Variants in MMEL1 observed in about 807,000 individuals in gnomAD.
MMEL1 encodes membrane metalloendopeptidase like 1, also known as membrane metallo-endopeptidase-like 1.
Under a neutral mutation model 117.1 loss-of-function variants are expected in MMEL1, and 98 were observed. That is an observed-to-expected ratio of 0.84 (90% CI 0.71 to 0.99). MMEL1 has a LOEUF of 0.99. Among genes scored for constraint, MMEL1 ranks in the 50% least tolerant of loss-of-function variants. MMEL1 has a pLI of 0.00. For missense variants in MMEL1, 1,014 were observed against 1,049.1 expected, an observed-to-expected ratio of 0.97 and a Z score of 0.46; for synonymous variants, 390 against 415.1, an observed-to-expected ratio of 0.94 and a Z score of 0.74.
At chr1:2,602,097 G>A (rs1644941333) in intron 11 of MMEL1, among the ~76,000 whole-genome samples, 1 of 152,270 alleles carries the variant, frequency 6.6e-6, no homozygotes, top group African/African-American at 2.4e-5. Flanking sequence ...CAGCACAGTG[G>A]GACCCGAGTT....
intron 2 of MMEL1, among the ~76,000 whole-genome samples, chr1:2,622,883 CAAAAAA>C (rs60522932): frequency 8.6e-5 from 9 of 104,080 alleles, no homozygotes; most frequent in Admixed American, 1.9e-4. Context: ...AACTCTGTCT[CAAAAAA>C]AAAAAAAAAA....
At chr1:2,630,689 G>C (rs959888453) in intron 1 of MMEL1, among the ~76,000 whole-genome samples, 3 of 151,248 alleles carry the variant, frequency 2.0e-5, no homozygotes, top group African/African-American at 7.3e-5. Context: ...GTGTGTGCGT[G>C]TACACTCGTG....
chr1:2,609,216 G>T, intron 6 of MMEL1, 123 bp downstream of exon 6: 1 of 916,352 alleles, frequency 1.1e-6, no homozygotes, highest in Non-Finnish European at 1.7e-6. Context: ...TCTGGCATGA[G>T]TCCTAAAGGC....
intron 14 of MMEL1, 27 bp downstream of exon 14, chr1:2,596,534 C>T (rs761464416): frequency 1.6e-5 from 26 of 1,602,272 alleles, no homozygotes; most frequent in East Asian, 4.5e-5. Flanking sequence ...GCTGGCCCCG[C>T]GTGGGCCATG....
At chr1:2,597,771 C>T (rs963835206) in intron 13 of MMEL1, among the ~76,000 whole-genome samples, 5 of 152,288 alleles carry the variant, frequency 3.3e-5, no homozygotes, top group South Asian at 2.1e-4. Context: ...CAATCCAAAC[C>T]GGCTGCTGTG....
intron 1 of MMEL1, among the ~76,000 whole-genome samples, chr1:2,630,809 C>T (rs1322695918): frequency 6.9e-6 from 1 of 144,720 alleles, no homozygotes; most frequent in Non-Finnish European, 1.5e-5. Context: ...TGTGTCCTCT[C>T]GTGTGTGCGT....
At chr1:2,603,537 T>G (rs1644968871) in intron 11 of MMEL1, among the ~76,000 whole-genome samples, 3 of 152,118 alleles carry the variant, frequency 2.0e-5, no homozygotes, top group Non-Finnish European at 4.4e-5. Context: ...TGAGCGGGAC[T>G]TGGGGTCTGA....
At position 2,594,797 on chromosome 1, in the gene MMEL1, G is replaced by T. The variant is rs746539883; in HGVS notation, c.1681C>A (p.Pro561Thr). The T allele has an allele frequency of 6.2e-7, 1 of 1,613,488 alleles. No individual in the cohort carries two copies. The highest frequency in any genetic ancestry group is 8.5e-7 in the Non-Finnish European group (1 of 1,179,696). Reference protein sequence around the residue: ...SLRKLREKVDPNLWIIGAAVV... With the variant: ...SLRKLREKVDTNLWIIGAAVV... ...ACCAGCGATGCCACTCACAGATTTGGGTCCACCTTTTCCCGAAGCTTCCTG... is the reference window on the plus strand; with the variant it reads ...ACCAGCGATGCCACTCACAGATTTGTGTCCACCTTTTCCCGAAGCTTCCTG... Residue 561 changes from proline to threonine, a missense_variant, in exon 17 of 24, where the codon CCA (proline) becomes ACA (threonine). Transcript: ENST00000378412.
intron 19 of MMEL1, 144 bp downstream of exon 19, chr1:2,593,670 C>G: frequency 8.2e-7 from 1 of 1,218,308 alleles, no homozygotes; most frequent in Non-Finnish European, 1.1e-6. Context: ...AAAGCCTGCT[C>G]TGCCCCCACA....
chr1:2,628,290 G>A (rs1557562270), intron 2 of MMEL1, among the ~76,000 whole-genome samples: 2 of 152,356 alleles, frequency 1.3e-5, no homozygotes, highest in South Asian at 2.1e-4. Context: ...ATGCAGCCCC[G>A]GGCCGGGACG....
chr1:2,622,370 C>T (rs568970832), intron 2 of MMEL1, among the ~76,000 whole-genome samples: 17 of 152,254 alleles, frequency 1.1e-4, no homozygotes, highest in African/African-American at 4.1e-4. Flanking sequence ...TAACAGGCTC[C>T]CAGGCAATGG....
intron 6 of MMEL1, among the ~76,000 whole-genome samples, chr1:2,608,030 A>G (rs530511540): frequency 1.2e-4 from 18 of 152,226 alleles, no homozygotes; most frequent in African/African-American, 4.3e-4. Context: ...CCGTTTGTAT[A>G]TTCAGCCTCT....
chr1:2,606,410 GC>G, intron 7 of MMEL1, 44 bp from the exon 8 acceptor site: 3 of 1,498,872 alleles, frequency 2.0e-6, no homozygotes, highest in Non-Finnish European at 1.8e-6. Context: ...GGGCCCTGGG[GC>G]CCCAGCCCGG....
At chr1:2,605,904 G>C (rs888672800) in intron 8 of MMEL1, among the ~76,000 whole-genome samples, 1 of 152,178 alleles carries the variant, frequency 6.6e-6, no homozygotes, top group African/African-American at 2.4e-5. Context: ...AGTGGGGCGC[G>C]TATTTGTTTC....
chr1:2,611,280 C>A lies in MMEL1; in HGVS notation c.292+1G>T. The A allele has an allele frequency of 6.3e-7, 1 of 1,577,990 alleles. No homozygotes were observed. Among genetic ancestry groups the A allele is most frequent in the Non-Finnish European group, 8.6e-7 (1 of 1,163,826 alleles). ...GTGGACGGCAAGGGGGCGGGGCTTA[C>A]CTGCTATCACGCAGCCAGGGGTGGT... On this transcript the variant is annotated splice_donor_variant, in intron 4 of 23. Transcript: ENST00000378412. LOFTEE classifies it high-confidence loss of function.
At chr1:2,592,125 C>T (rs1360602713) in intron 21 of MMEL1, 98 bp from the exon 22 acceptor site, 5 of 980,980 alleles carry the variant, frequency 5.1e-6, no homozygotes, top group Admixed American at 2.3e-5. Context: ...CCAGGACCTA[C>T]CCCTGTGGGG....
rs1450334752 is a variant in MMEL1, at chr1:2,605,558, C to T, written c.816G>A (p.Lys272=). The T allele has an allele frequency of 1.2e-6, 2 of 1,612,036 alleles. No homozygotes were observed. Among genetic ancestry groups the T allele is most frequent in the East Asian group, 4.5e-5 (2 of 44,854 alleles). The change falls in exon 9 of 24, where the codon AAG becomes AAA. Residue 272 remains lysine, a splice_region_variant and synonymous_variant. Coordinates refer to ENST00000378412, the MANE Select transcript of MMEL1 (RefSeq NM_033467.4). ...GGCATTGCGGTGAGGACCCACCCACCTTCCGGTTGCTGCCGCCGTTGAAGT... is the reference window on the plus strand; with the variant it reads ...GGCATTGCGGTGAGGACCCACCCACTTTCCGGTTGCTGCCGCCGTTGAAGT... The part of the protein sequence containing the change: ...EYYFNGGSNR[K]VREAYLQFMV...
chr1:2,592,764 C>T (rs771960683), intron 20 of MMEL1, 44 bp from the exon 21 acceptor site: 81 of 1,610,086 alleles, frequency 5.0e-5, no homozygotes, highest in Non-Finnish European at 6.8e-5. Context: ...GCCCTGACTT[C>T]CCTCTCCCTC....
chr1:2,599,790 G>T (rs1216656840), intron 11 of MMEL1, among the ~76,000 whole-genome samples: 2 of 151,416 alleles, frequency 1.3e-5, no homozygotes, highest in Non-Finnish European at 2.9e-5. Flanking sequence ...CTGGGAGGCA[G>T]AGGTTATGGT....
Sources: allele counts gnomAD v4.1 joint callset (sites outside exome capture counted in the v4.1 genomes callset), GRCh38; gene constraint gnomAD v4.1.1; transcripts MANE v1.5; gene names NCBI Gene and HGNC (gene_info 2026-07-23, HGNC 2026-07-21).